The following DNAAF9 variants were observed in gnomAD, a reference collection of about 807,000 sequenced individuals.
DNAAF9 encodes the protein shulin.
A neutral mutation model predicts 167.0 loss-of-function variants in DNAAF9; 90 were observed. That is an observed-to-expected ratio of 0.54 (90% CI 0.45 to 0.64). The LOEUF (loss-of-function observed/expected upper bound fraction) is 0.64. DNAAF9 is among the 30% of genes least tolerant of loss of function. The pLI is 0.00. For synonymous variants in DNAAF9, 491 were observed against 508.8 expected, an observed-to-expected ratio of 0.96 and a Z score of 0.47; for missense variants, 1,315 against 1,442.2, an observed-to-expected ratio of 0.91 and a Z score of 1.43.
intron 21 of DNAAF9, among the ~76,000 whole-genome samples, chr20:3,304,201 G>C (rs192545359): frequency 3.9e-5 from 6 of 152,128 alleles, no homozygotes; most frequent in Non-Finnish European, 5.9e-5. Context: ...TGGCCCTTCT[G>C]ACCAGAAGCC....
intron 7 of DNAAF9, among the ~76,000 whole-genome samples, chr20:3,354,558 A>T (rs2083260041): frequency 6.6e-6 from 1 of 152,242 alleles, no homozygotes; most frequent in South Asian, 2.1e-4. Flanking sequence ...CAAAGCAGCC[A>T]CATTTGAGCA....
At chr20:3,296,267 C>T (rs369962559) in intron 23 of DNAAF9, 24 of 431,000 alleles carry the variant, frequency 5.6e-5, no homozygotes, top group East Asian at 2.3e-4. Context: ...AGACACTGGG[C>T]GCCCCCCAAG....
chr20:3,265,893 T>C (rs1257361569), intron 30 of DNAAF9, among the ~76,000 whole-genome samples: 1 of 152,094 alleles, frequency 6.6e-6, no homozygotes, highest in Admixed American at 6.5e-5. Flanking sequence ...TTGGCCAGGC[T>C]GATCTTGAAC....
chr20:3,371,921 C>T (rs749330562), intron 6 of DNAAF9, among the ~76,000 whole-genome samples: 4 of 152,110 alleles, frequency 2.6e-5, no homozygotes, highest in Non-Finnish European at 5.9e-5. Flanking sequence ...AGGCAGAAAA[C>T]GCCCTAGCAG....
intron 10 of DNAAF9, among the ~76,000 whole-genome samples, chr20:3,336,518 G>A (rs1568612578): frequency 1.3e-5 from 2 of 151,558 alleles, no homozygotes; most frequent in Non-Finnish European, 2.9e-5. Context: ...TTGCCACTGA[G>A]CCCATTCACT....
At chr20:3,335,615 G>C (rs1275781923) in intron 10 of DNAAF9, among the ~76,000 whole-genome samples, 1 of 151,850 alleles carries the variant, frequency 6.6e-6, no homozygotes, top group African/African-American at 2.4e-5. Context: ...AAATTAGCCA[G>C]GTGTGGTGGT....
intron 20 of DNAAF9, among the ~76,000 whole-genome samples, chr20:3,311,995 C>CTT (rs397962124): frequency 0.011 from 1,660 of 145,136 alleles, 21 homozygotes; most frequent in African/African-American, 0.032. Flanking sequence ...TCTTTTTTTT[C>CTT]TTTTTTTTTT....
intron 29 of DNAAF9, among the ~76,000 whole-genome samples, chr20:3,278,229 G>A (rs1429575128): frequency 6.6e-6 from 1 of 152,096 alleles, no homozygotes; most frequent in Non-Finnish European, 1.5e-5. Context: ...AAAATTCCAG[G>A]GTGCATAGGG....
chr20:3,338,491 T>C (rs2070011549), intron 10 of DNAAF9, among the ~76,000 whole-genome samples: 1 of 152,178 alleles, frequency 6.6e-6, no homozygotes, highest in Non-Finnish European at 1.5e-5. Context: ...TTCTCTAAGC[T>C]TCCTGGGTCT....
In DNAAF9 at chr20:3,359,735, T is replaced by C. The variant is rs2083335133; in HGVS notation, c.613-142A>G. The C allele has an allele frequency of 4.9e-6, 3 of 615,622 alleles. No individual in the cohort carries two copies. In the Admixed American group the frequency reaches 1.0e-4, roughly 21 times the overall value. The allele number at this position is 615,622 out of a possible 1,614,324, so 38.1% of individuals were successfully genotyped here. On this transcript the variant is annotated intron_variant, in intron 6 of 36. Coordinates refer to ENST00000252032, the MANE Select transcript of DNAAF9 (RefSeq NM_001009984.3). Reference sequence around the variant, plus strand: ...TAAATCAAAAATTTATCAATTATATTTGCCCTATACATATTAATAAATGTT... The same window carrying C: ...TAAATCAAAAATTTATCAATTATATCTGCCCTATACATATTAATAAATGTT...
At chr20:3,391,316 T>G (rs541086332) in intron 1 of DNAAF9, among the ~76,000 whole-genome samples, 1 of 151,750 alleles carries the variant, frequency 6.6e-6, no homozygotes, top group Non-Finnish European at 1.5e-5. Context: ...ACCTTTTAAT[T>G]AAAAAAAAGA....
At chr20:3,327,586 A>G (rs1426782842) in intron 12 of DNAAF9, among the ~76,000 whole-genome samples, 1 of 151,942 alleles carries the variant, frequency 6.6e-6, no homozygotes, top group Non-Finnish European at 1.5e-5. Context: ...TAAAGGAATC[A>G]GGTAAAGGAA....
chr20:3,345,378 T>C (rs767769884), intron 8 of DNAAF9, among the ~76,000 whole-genome samples: 23 of 152,216 alleles, frequency 1.5e-4, no homozygotes, highest in Non-Finnish European at 2.6e-4. Context: ...TAGGCACTTA[T>C]CATCTCAAGC....
At chr20:3,395,796 T>G (rs2083899225) in intron 1 of DNAAF9, among the ~76,000 whole-genome samples, 1 of 152,190 alleles carries the variant, frequency 6.6e-6, no homozygotes, top group Admixed American at 6.5e-5. Context: ...ACATTCTTAT[T>G]AGGTTGATTC....
chr20:3,278,764 G>C (rs2068715561), intron 29 of DNAAF9, 148 bp downstream of exon 29: 1 of 745,182 alleles, frequency 1.3e-6, no homozygotes, highest in Non-Finnish European at 2.5e-6. Flanking sequence ...TATCAAATAT[G>C]GTAAAAGTAA....
rs1361265526 is a variant in DNAAF9 at position 3,388,713 on chromosome 20, C to CT, written c.84-6208dup. Among the ~76,000 whole-genome samples the CT allele has an allele frequency of 3.3e-5, 5 of 152,228 alleles. No homozygotes were observed. The East Asian group carries it at 9.6e-4, about 29-fold the overall frequency. On this transcript the variant is annotated intron_variant, in intron 1 of 36. Coordinates refer to ENST00000252032, the MANE Select transcript of DNAAF9 (RefSeq NM_001009984.3). The stretch of plus-strand genomic sequence containing the variant: ...AAAGTACAAATTCTGTATGATTCTA[C>CT]TTTTTTATGAGGTACCCAGAATAGT...
At chr20:3,354,561 T>A (rs1358447466) in intron 7 of DNAAF9, among the ~76,000 whole-genome samples, 2 of 152,218 alleles carry the variant, frequency 1.3e-5, no homozygotes, top group East Asian at 3.8e-4. Flanking sequence ...AGCAGCCACA[T>A]TTGAGCACCT....
intron 14 of DNAAF9, among the ~76,000 whole-genome samples, chr20:3,323,573 G>A (rs1474869162): frequency 2.6e-5 from 4 of 152,054 alleles, no homozygotes; most frequent in Non-Finnish European, 5.9e-5. Flanking sequence ...GAGCCACTGC[G>A]CCCCGCCCTC....
At chr20:3,330,705 A>G in intron 11 of DNAAF9, 23 bp from the exon 12 acceptor site, 1 of 1,537,242 alleles carries the variant, frequency 6.5e-7, no homozygotes. Context: ...CCCACTAAGA[A>G]TGTGACAAGA....
Sources: gnomAD v4.1 joint callset for allele counts (sites outside exome capture counted in the v4.1 genomes callset) on GRCh38, gnomAD v4.1.1 for gene constraint, MANE v1.5 for transcripts, NCBI Gene and HGNC (gene_info 2026-07-23, HGNC 2026-07-21) for gene names.